Variants in NBR1 observed in about 807,000 individuals in gnomAD.
NBR1 encodes next to BRCA1 gene 1 protein.
NBR1 carries 59 observed loss-of-function variants against 115.5 expected under a neutral mutation model. That is an observed-to-expected ratio of 0.51 (90% CI 0.41 to 0.63). The LOEUF (loss-of-function observed/expected upper bound fraction) is 0.63, where lower values mean the gene tolerates loss of function less well. NBR1 is among the 30% of genes least tolerant of loss of function. NBR1 has a pLI of 0.00. For missense variants in NBR1, 1,043 were observed against 1,150.5 expected, an observed-to-expected ratio of 0.91 and a Z score of 1.35; for synonymous variants, 373 against 414.7, an observed-to-expected ratio of 0.90 and a Z score of 1.22.
intron 20 of NBR1, among the ~76,000 whole-genome samples, 163 bp downstream of exon 20, chr17:43,203,949 T>G (rs1156884354): frequency 6.6e-6 from 1 of 152,072 alleles, no homozygotes; most frequent in Non-Finnish European, 1.5e-5. Flanking sequence ...TTTTTTTTTT[T>G]TTTTTTGAGA....
At position 43,190,758 on chromosome 17, in the gene NBR1, C is replaced by A. The variant is rs2056926444; in HGVS notation, c.845C>A (p.Ala282Asp). ...HSKYSTPRLP[A>D]ALEQVRLQKQ... ...AAGTACTCTACTCCTCGTCTTCCTG[C>A]TGCTCTGGAACAAGTCAGGTAAAAC... Residue 282 changes from alanine (A) to aspartate (D), a missense_variant, in exon 9 of 21, where the codon GCT becomes GAT. Transcript: ENST00000590996. The A allele has an allele frequency of 6.2e-7, 1 of 1,605,958 alleles. No homozygotes were observed. Among genetic ancestry groups the A allele is most frequent in the African/African-American group, 1.3e-5 (1 of 74,840 alleles).
At chr17:43,172,027 C>G (rs371467777) in intron 1 of NBR1, among the ~76,000 whole-genome samples, 8 of 152,116 alleles carry the variant, frequency 5.3e-5, no homozygotes, top group African/African-American at 1.9e-4. Context: ...GTTGCCAGGT[C>G]TGTTTCATTA....
Position 43,177,968 on chromosome 17 carries a change from A to C in NBR1, c.135A>C (p.Gln45His). The change falls in exon 3 of 21, where the codon CAA becomes CAC. Residue 45 changes from glutamine (Q) to histidine (H), a missense_variant. Transcript: ENST00000590996. ...TTTCATTTGATCTGAATACTATTCAAATAAAATACCTGGATGAGGAAAATG... is the reference window on the plus strand; with the variant it reads ...TTTCATTTGATCTGAATACTATTCACATAAAATACCTGGATGAGGAAAATG... The part of the protein sequence containing the change: ...VKVSFDLNTI[Q>H]IKYLDEENEE... The C allele has an allele frequency of 1.9e-6, 3 of 1,564,452 alleles. No individual in the cohort carries two copies. Among genetic ancestry groups the C allele is most frequent in the Non-Finnish European group, 2.6e-6 (3 of 1,142,990 alleles).
chr17:43,172,815 C>G (rs2056408811), intron 1 of NBR1, among the ~76,000 whole-genome samples: 1 of 151,934 alleles, frequency 6.6e-6, no homozygotes, highest in African/African-American at 2.4e-5. Context: ...GTTCTAAAGA[C>G]TGGTTTATTA....
chr17:43,207,478 C>T (rs1366349387), intron 20 of NBR1, among the ~76,000 whole-genome samples: 1 of 152,176 alleles, frequency 6.6e-6, no homozygotes, highest in Non-Finnish European at 1.5e-5. Context: ...TCACCTCAGC[C>T]TCTTGAGTAG....
chr17:43,177,271 C>CA (rs35199211), intron 2 of NBR1, among the ~76,000 whole-genome samples: 29,772 of 80,488 alleles, frequency 0.37, 4,591 homozygotes, highest in South Asian at 0.52. Context: ...AGACCCATCT[C>CA]AAAAAAAAAA....
At chr17:43,207,285 T>C (rs1404477143) in intron 20 of NBR1, among the ~76,000 whole-genome samples, 2 of 152,204 alleles carry the variant, frequency 1.3e-5, no homozygotes, top group African/African-American at 4.8e-5. Context: ...CTGAAATCCA[T>C]AGATGCTTAA....
At chr17:43,204,085 C>T (rs1465013865) in intron 20 of NBR1, among the ~76,000 whole-genome samples, 2 of 152,024 alleles carry the variant, frequency 1.3e-5, no homozygotes, top group African/African-American at 4.8e-5. Context: ...CTACAGGCGC[C>T]TGCCACTACA....
intron 16 of NBR1, 52 bp downstream of exon 16, chr17:43,197,158 C>T (rs2057087934): frequency 6.5e-7 from 1 of 1,535,658 alleles, no homozygotes. Flanking sequence ...TGAATTGTGA[C>T]TGCCAGACTT....
At chr17:43,184,125 G>A (rs1171675783) in intron 5 of NBR1, among the ~76,000 whole-genome samples, 1 of 151,980 alleles carries the variant, frequency 6.6e-6, no homozygotes, top group Non-Finnish European at 1.5e-5. Context: ...GCAGTGGTGT[G>A]ATTGCAGCCT....
chr17:43,195,716 GA>G (rs1481757818), intron 14 of NBR1: 1 of 152,290 alleles, frequency 6.6e-6, no homozygotes, highest in African/African-American at 2.4e-5. Context: ...AGCTACCAGG[GA>G]GACTGAAGTG....
intron 2 of NBR1, among the ~76,000 whole-genome samples, chr17:43,176,831 G>A (rs1339409051): frequency 6.6e-6 from 1 of 152,048 alleles, no homozygotes; most frequent in African/African-American, 2.4e-5. Flanking sequence ...ATTTTAAGAA[G>A]AGAAACCATC....
intron 14 of NBR1, 189 bp downstream of exon 14, chr17:43,195,228 C>A: frequency 1.7e-6 from 1 of 586,912 alleles, no homozygotes; most frequent in Non-Finnish European, 3.0e-6. Context: ...ACATGCTGGG[C>A]ATGGTGGCTC....
intron 20 of NBR1, among the ~76,000 whole-genome samples, chr17:43,208,096 G>T (rs550048305): frequency 6.6e-6 from 1 of 152,338 alleles, no homozygotes; most frequent in East Asian, 1.9e-4. Context: ...TAATAAGGGG[G>T]ACATGGTCAA....
intron 8 of NBR1, chr17:43,190,093 C>CTT (rs34682023): frequency 0.014 from 3,091 of 213,828 alleles, 39 homozygotes; most frequent in Admixed American, 0.05. Flanking sequence ...TTCCAAATGC[C>CTT]TTTTTTTTTT....
rs2056895292 is a variant in NBR1, at chr17:43,189,597, C to T, written c.490C>T (p.Gln164Ter). Residue 164 changes from glutamine to a stop codon, truncating the protein, a stop_gained, in exon 8 of 21, where the codon CAA (glutamine) becomes TAA (stop). Transcript: ENST00000590996. LOFTEE classifies it high-confidence loss of function. The part of the protein sequence containing the change: ...FTSYLETFRE[Q>*]VVNETVEKLE... ...CTGCTCCATATTCTAGTTCAGAGAA[C>T]AAGTGGTTAACGAAACGGTTGAGAA... The T allele has an allele frequency of 6.2e-7, 1 of 1,613,378 alleles. No individual in the cohort carries two copies. Among genetic ancestry groups the T allele is most frequent in the Admixed American group, 1.7e-5 (1 of 59,976 alleles).
intron 4 of NBR1, among the ~76,000 whole-genome samples, chr17:43,180,304 C>T (rs2056630437): frequency 6.6e-6 from 1 of 152,084 alleles, no homozygotes; most frequent in African/African-American, 2.4e-5. Context: ...TATGGTATAA[C>T]CTATTGCTTA....
At chr17:43,206,654 C>CTTGGGGTGGAGGGG in intron 20 of NBR1, among the ~76,000 whole-genome samples, 1 of 90,074 alleles carries the variant, frequency 1.1e-5, no homozygotes, top group East Asian at 3.3e-4. Context: ...GACTCCGTCT[C>CTTGGGGTGGAGGGG]AAAAAAAAAA....
chr17:43,180,821 A>T lies in NBR1; in HGVS notation c.207+4A>T. On this transcript the variant is annotated splice_donor_region_variant and intron_variant, in intron 5 of 20. Coordinates refer to ENST00000590996, the MANE Select transcript of NBR1 (RefSeq NM_005899.5). ...AGAATATGAAGAAGCGCTTAAGGTA[A>T]TGATTATTTAATCTCATTTTTAAAT... 1 of 1,440,038 alleles carries T rather than the reference A, an allele frequency of 6.9e-7. No homozygotes were observed. 89.2% of individuals were successfully genotyped at this position (1,440,038 alleles called of 1,614,324 possible).
Sources: gnomAD v4.1 joint callset for allele counts (sites outside exome capture counted in the v4.1 genomes callset) on GRCh38, gnomAD v4.1.1 for gene constraint, MANE v1.5 for transcripts, NCBI Gene and HGNC (gene_info 2026-07-23, HGNC 2026-07-21) for gene names.